Variants in ANKS1B observed in about 807,000 individuals in gnomAD.
ANKS1B encodes ankyrin repeat and sterile alpha motif domain-containing protein 1B.
In ANKS1B, 36 loss-of-function variants were observed where a neutral mutation model predicts 148.3. That is an observed-to-expected ratio of 0.24 (90% confidence interval 0.19 to 0.32). The LOEUF (loss-of-function observed/expected upper bound fraction) is 0.32. ANKS1B is among the 10% of genes least tolerant of loss of function. The probability of loss-of-function intolerance (pLI) is 1.00; values close to 1 mark genes in which losing one functional copy is unlikely to be tolerated. For missense variants in ANKS1B, 1,157 were observed against 1,542.6 expected, an observed-to-expected ratio of 0.75 and a Z score of 4.19; for synonymous variants, 542 against 560.8, an observed-to-expected ratio of 0.97 and a Z score of 0.47.
intron 9 of ANKS1B, chr12:99,649,803 C>T (rs181653286): frequency 1.8e-3 from 293 of 158,436 alleles, no homozygotes; most frequent in South Asian, 4.4e-3. Flanking sequence ...GTTGCATTGA[C>T]AGTATCTCTC....
rs12306661 is a variant in ANKS1B at position 99,829,322 on chromosome 12, C to G, written c.135-3933G>C. 3.4e-3 allele frequency among the ~76,000 whole-genome samples: 512 copies of G among 151,836 alleles called. 5 individuals are homozygous for G. The highest frequency in any genetic ancestry group is 0.011 in the African/African-American group (474 of 41,406). ...GTGAGGTCAGGAGTTTGAGACAAGCCTGGCCGACAAGGTGAAGCCTTGTCT... is the reference window on the plus strand; with the variant it reads ...GTGAGGTCAGGAGTTTGAGACAAGCGTGGCCGACAAGGTGAAGCCTTGTCT... On this transcript the variant is annotated intron_variant, in intron 1 of 26. Transcript: ENST00000683438.
intron 9 of ANKS1B, among the ~76,000 whole-genome samples, chr12:99,627,832 G>A (rs1357524515): frequency 6.6e-6 from 1 of 152,140 alleles, no homozygotes; most frequent in Non-Finnish European, 1.5e-5. Context: ...GTTATTTCTG[G>A]TGGAGAGGAT....
chr12:99,690,592 T>C (rs565143786), intron 8 of ANKS1B, among the ~76,000 whole-genome samples: 56 of 152,270 alleles, frequency 3.7e-4, no homozygotes, highest in Admixed American at 4.6e-4. Context: ...CAATCAAATC[T>C]TAAAGTTCCA....
intron 24 of ANKS1B, among the ~76,000 whole-genome samples, chr12:98,779,340 A>G (rs181746015): frequency 7.9e-5 from 12 of 152,242 alleles, no homozygotes; most frequent in African/African-American, 2.6e-4. Context: ...GCTCTCTTTC[A>G]TTCCTCTGAT....
intron 8 of ANKS1B, among the ~76,000 whole-genome samples, chr12:99,712,609 G>T (rs1238210808): frequency 6.6e-6 from 1 of 152,192 alleles, no homozygotes; most frequent in East Asian, 1.9e-4. Flanking sequence ...AAGGATCTAT[G>T]GGTGAGGCTC....
At chr12:99,716,798 T>C (rs1471860528) in intron 8 of ANKS1B, among the ~76,000 whole-genome samples, 1 of 151,852 alleles carries the variant, frequency 6.6e-6, no homozygotes, top group Non-Finnish European at 1.5e-5. Flanking sequence ...CGTCGCTGAG[T>C]CTTTCTAATC....
At chr12:98,980,287 G>A (rs964579480) in intron 17 of ANKS1B, among the ~76,000 whole-genome samples, 8 of 152,070 alleles carry the variant, frequency 5.3e-5, no homozygotes, top group Admixed American at 1.3e-4. Flanking sequence ...TGCAAGCTCC[G>A]CCTCCCAGGT....
At chr12:99,823,478 G>C (rs2082766183) in intron 2 of ANKS1B, among the ~76,000 whole-genome samples, 1 of 152,004 alleles carries the variant, frequency 6.6e-6, no homozygotes, top group Non-Finnish European at 1.5e-5. Context: ...GCTAATTTTT[G>C]TAATTTTAGT....
At chr12:99,619,563 A>G (rs1335520233) in intron 9 of ANKS1B, among the ~76,000 whole-genome samples, 1 of 151,356 alleles carries the variant, frequency 6.6e-6, no homozygotes, top group Non-Finnish European at 1.5e-5. Flanking sequence ...GGCTCTCTCT[A>G]CTCACGTCCA....
chr12:99,595,929 A>C (rs1023374453), intron 9 of ANKS1B, among the ~76,000 whole-genome samples: 3 of 151,864 alleles, frequency 2.0e-5, no homozygotes, highest in Non-Finnish European at 4.4e-5. Context: ...AGTTTGGTTC[A>C]TTGGCAAATG....
At chr12:99,741,006 C>T (rs544834762) in intron 8 of ANKS1B, among the ~76,000 whole-genome samples, 3 of 151,968 alleles carry the variant, frequency 2.0e-5, no homozygotes, top group Admixed American at 6.6e-5. Flanking sequence ...GTCAGGAGAT[C>T]GAGACCAATC....
chr12:98,890,413 A>G (rs2099749870), intron 17 of ANKS1B, among the ~76,000 whole-genome samples: 1 of 147,048 alleles, frequency 6.8e-6, no homozygotes, highest in Non-Finnish European at 1.5e-5. Flanking sequence ...GTTAAGACAG[A>G]AAAAAATATA....
chr12:99,186,953 GAATTGCTAACTAGAAT>G lies in ANKS1B; in HGVS notation c.2420-32574_2420-32559del, dbSNP rs375316896. Among the ~76,000 whole-genome samples, 1,046 of 150,146 alleles carry G rather than the reference GAATTGCTAACTAGAAT, an allele frequency of 7.0e-3. 21 individuals are homozygous for G. In the East Asian group the frequency reaches 0.09, roughly 13 times the overall value. ...CGAGCTAAAGGAGCATGTTCTAAAT[GAATTGCTAACTAGAAT>G]AACCAGTTTAGAGAAGAACATAAAC... On this transcript the variant is annotated intron_variant, in intron 14 of 26. Transcript: ENST00000683438.
At chr12:99,320,953 A>G (rs144617583) in intron 12 of ANKS1B, among the ~76,000 whole-genome samples, 116 of 152,142 alleles carry the variant, frequency 7.6e-4, no homozygotes, top group African/African-American at 2.7e-3. Flanking sequence ...GGTCTGTTGG[A>G]GTTTGCTGGA....
chr12:98,867,038 G>A (rs897259295), intron 17 of ANKS1B, among the ~76,000 whole-genome samples: 6 of 152,160 alleles, frequency 3.9e-5, no homozygotes, highest in Admixed American at 2.0e-4. Flanking sequence ...GGAAAGGTGA[G>A]GATTATATAG....
chr12:99,884,749 G>A (rs1229103107), intron 1 of ANKS1B, among the ~76,000 whole-genome samples: 1 of 152,138 alleles, frequency 6.6e-6, no homozygotes, highest in Non-Finnish European at 1.5e-5. Flanking sequence ...CTAGGGAAAA[G>A]GCTGACTACA....
At position 99,914,996 on chromosome 12, in the gene ANKS1B, C is replaced by T. The variant is rs191088393; in HGVS notation, c.134+69108G>A. On this transcript the variant is annotated intron_variant, in intron 1 of 26. Coordinates refer to ENST00000683438, the MANE Select transcript of ANKS1B (RefSeq NM_001352186.2). ...ATCCCAGCACTTTGGTAGGCTGAGG[C>T]GGGTGGATCACCTGAGATCAGGAGT... 2.3e-3 allele frequency among the ~76,000 whole-genome samples: 347 copies of T among 152,066 alleles called. 1 individual carries two copies. Among genetic ancestry groups the T allele is most frequent in the Non-Finnish European group, 3.6e-3 (245 of 67,974 alleles).
At chr12:99,660,217 T>G (rs2098469610) in intron 8 of ANKS1B, among the ~76,000 whole-genome samples, 1 of 152,226 alleles carries the variant, frequency 6.6e-6, no homozygotes, top group Non-Finnish European at 1.5e-5. Flanking sequence ...GAAGCTTTCC[T>G]AGCCTCGGTC....
chr12:98,930,847 AACCACTGAATTGTACAT>A (rs1394906600), intron 17 of ANKS1B, among the ~76,000 whole-genome samples: 2 of 152,120 alleles, frequency 1.3e-5, no homozygotes, highest in African/African-American at 4.8e-5. Flanking sequence ...AGTACACGAA[AACCACTGAATTGTACAT>A]ATTAAAGGAG....
Sources: allele counts gnomAD v4.1 joint callset (sites outside exome capture counted in the v4.1 genomes callset), GRCh38; gene constraint gnomAD v4.1.1; transcripts MANE v1.5; gene names NCBI Gene and HGNC (gene_info 2026-07-23, HGNC 2026-07-21).